Variants in XIRP2 observed in about 807,000 individuals in gnomAD.
XIRP2 encodes the protein xin actin binding repeat containing 2.
In XIRP2, 236 loss-of-function variants were observed where a neutral mutation model predicts 277.0. The observed-to-expected ratio is 0.85, with a 90% CI of 0.77 to 0.95. The LOEUF (loss-of-function observed/expected upper bound fraction) is 0.95, where lower values mean the gene tolerates loss of function less well. XIRP2 is among the 40% of genes least tolerant of loss of function. XIRP2 has a pLI of 0.00. For missense variants in XIRP2, 4,640 were observed against 4,157.5 expected, an observed-to-expected ratio of 1.12 and a Z score of -3.19; for synonymous variants, 1,490 against 1,416.5, an observed-to-expected ratio of 1.05 and a Z score of -1.17.
chr2:167,099,428 C>T (rs1690425680), intron 2 of XIRP2, among the ~76,000 whole-genome samples: 1 of 152,194 alleles, frequency 6.6e-6, no homozygotes, highest in Admixed American at 6.5e-5. Flanking sequence ...CAAGACAGTG[C>T]ATCTTAACTT....
chr2:167,093,031 G>A (rs1690192487), intron 2 of XIRP2, among the ~76,000 whole-genome samples: 1 of 152,042 alleles, frequency 6.6e-6, no homozygotes, highest in African/African-American at 2.4e-5. Context: ...GTGGAAATAG[G>A]TGTGAAAGCG....
chr2:166,979,013 T>C (rs995273998), intron 2 of XIRP2, among the ~76,000 whole-genome samples: 1 of 152,206 alleles, frequency 6.6e-6, no homozygotes, highest in Admixed American at 6.5e-5. Flanking sequence ...TTCTATCCCA[T>C]GACCTTGCTA....
intron 2 of XIRP2, among the ~76,000 whole-genome samples, chr2:167,103,289 A>G (rs1333388976): frequency 6.6e-6 from 1 of 152,158 alleles, no homozygotes; most frequent in Admixed American, 6.5e-5. Flanking sequence ...TGTTTCCTCT[A>G]TTTTGGCACA....
In XIRP2 at chr2:166,952,719, C is replaced by CT. The variant is rs1686066745; in HGVS notation, c.408+48830dup. Among the ~76,000 whole-genome samples the CT allele has an allele frequency of 2.6e-5, 4 of 151,816 alleles. No individual in the cohort carries two copies. The South Asian group carries it at 8.3e-4, about 31-fold the overall frequency. ...AAAGAACAATTTATGCTCATCTTTA[C>CT]TCTGTTTTTTTTTCAGACTTCATTG... On this transcript the variant is annotated intron_variant, in intron 2 of 10. Coordinates refer to ENST00000409195, the MANE Select transcript of XIRP2 (RefSeq NM_152381.6).
chr2:167,252,609 A>C (rs1303151552), intron 9 of XIRP2, among the ~76,000 whole-genome samples: 1 of 151,918 alleles, frequency 6.6e-6, no homozygotes, highest in Non-Finnish European at 1.5e-5. Context: ...TAAACAATGC[A>C]TTTAAAAATT....
chr2:166,951,647 T>C (rs1254291546), intron 2 of XIRP2, among the ~76,000 whole-genome samples: 1 of 152,052 alleles, frequency 6.6e-6, no homozygotes, highest in Non-Finnish European at 1.5e-5. Context: ...TCTTTTGTCA[T>C]GGTCAAAATT....
intron 2 of XIRP2, among the ~76,000 whole-genome samples, chr2:167,123,675 T>C (rs189679174): frequency 4.5e-4 from 69 of 152,230 alleles, no homozygotes; most frequent in Non-Finnish European, 7.6e-4. Context: ...CATTCCTCTA[T>C]GAACATGCAC....
chr2:167,213,265 T>A (rs145576908), intron 4 of XIRP2, among the ~76,000 whole-genome samples: 12 of 152,306 alleles, frequency 7.9e-5, no homozygotes, highest in African/African-American at 2.9e-4. Context: ...TTACCTTTTT[T>A]AATACTCACA....
chr2:167,208,924 A>G lies in XIRP2; in HGVS notation c.563-1811A>G, dbSNP rs147999332. Reference sequence around the variant, plus strand: ...GTAAGAACAGCACAGCTGAATGTACACTGAATTCATCTGTGCAGATAGAGA... The same window carrying G: ...GTAAGAACAGCACAGCTGAATGTACGCTGAATTCATCTGTGCAGATAGAGA... On this transcript the variant is annotated intron_variant, in intron 3 of 10. Transcript: ENST00000409195. Among the ~76,000 whole-genome samples the G allele has an allele frequency of 2.9e-3, 446 of 152,328 alleles. 5 individuals carry two copies. Among genetic ancestry groups the G allele is most frequent in the African/African-American group, 0.01 (426 of 41,580 alleles).
At chr2:166,989,227 T>G (rs13014711) in intron 2 of XIRP2, among the ~76,000 whole-genome samples, 5,886 of 46,418 alleles carry the variant, frequency 0.13, 4 homozygotes, top group East Asian at 0.17. Context: ...CACCTCACAC[T>G]GCAGGGTATT....
At chr2:167,129,581 A>G (rs933892917) in intron 2 of XIRP2, among the ~76,000 whole-genome samples, 1 of 152,122 alleles carries the variant, frequency 6.6e-6, no homozygotes, top group African/African-American at 2.4e-5. Flanking sequence ...TAAAGCAATA[A>G]ATATATATAA....
intron 3 of XIRP2, among the ~76,000 whole-genome samples, chr2:167,154,952 A>G (rs1336478381): frequency 6.6e-6 from 1 of 152,012 alleles, no homozygotes; most frequent in Non-Finnish European, 1.5e-5. Flanking sequence ...CTACCATCAG[A>G]GAATACTACA....
At position 166,916,173 on chromosome 2, in the gene XIRP2, G is replaced by T. The variant is rs114916863; in HGVS notation, c.408+12283G>T. ...AATCTGTCCTCTACTTTTTAGTTCT[G>T]CATAATATCAGGCATTCAAAAGCAT... On this transcript the variant is annotated intron_variant, in intron 2 of 10. Transcript: ENST00000409195. 4.3e-3 allele frequency among the ~76,000 whole-genome samples: 650 copies of T among 152,256 alleles called. 4 individuals are homozygous for T. The highest frequency in any genetic ancestry group is 0.014 in the African/African-American group (601 of 41,532).
intron 2 of XIRP2, among the ~76,000 whole-genome samples, chr2:167,090,583 G>A (rs2105274739): frequency 6.6e-6 from 1 of 152,260 alleles, no homozygotes; most frequent in African/African-American, 2.4e-5. Context: ...GATGCTAGGT[G>A]ATTTATGTTT....
intron 2 of XIRP2, among the ~76,000 whole-genome samples, chr2:167,028,619 A>G (rs1277269148): frequency 6.6e-6 from 1 of 152,018 alleles, no homozygotes; most frequent in Non-Finnish European, 1.5e-5. Flanking sequence ...CAGACCTCAA[A>G]GACTACAATA....
intron 2 of XIRP2, among the ~76,000 whole-genome samples, chr2:167,131,289 A>ATTG (rs1280246642): frequency 2.0e-5 from 3 of 152,004 alleles, no homozygotes; most frequent in Non-Finnish European, 4.4e-5. Flanking sequence ...ACTGATTGTT[A>ATTG]TTGCTCTCTT....
chr2:166,910,398 A>G (rs1451663905), intron 2 of XIRP2, among the ~76,000 whole-genome samples: 1 of 152,100 alleles, frequency 6.6e-6, no homozygotes, highest in African/African-American at 2.4e-5. Context: ...GTTTATTTGC[A>G]TAGAGGTGTT....
chr2:167,050,984 A>G (rs1210422771), intron 2 of XIRP2, among the ~76,000 whole-genome samples: 1 of 152,052 alleles, frequency 6.6e-6, no homozygotes, highest in African/African-American at 2.4e-5. Flanking sequence ...TACCTGGACT[A>G]AATTCTCAAA....
intron 2 of XIRP2, among the ~76,000 whole-genome samples, chr2:167,083,338 T>A (rs1161783746): frequency 6.6e-6 from 1 of 152,238 alleles, no homozygotes; most frequent in Non-Finnish European, 1.5e-5. Flanking sequence ...GCTGTTTTGG[T>A]TACTGTAGCC....
Sources: gnomAD v4.1 joint callset for allele counts (sites outside exome capture counted in the v4.1 genomes callset) on GRCh38, gnomAD v4.1.1 for gene constraint, MANE v1.5 for transcripts, NCBI Gene and HGNC (gene_info 2026-07-23, HGNC 2026-07-21) for gene names.